Variants in CNTN4 observed in about 807,000 individuals in gnomAD.
The protein encoded by CNTN4 is contactin-4.
A neutral mutation model predicts 122.5 loss-of-function variants in CNTN4; 77 were observed. That is an observed-to-expected ratio of 0.63 (90% CI 0.52 to 0.76). The LOEUF is 0.76. Ranked by LOEUF, CNTN4 falls within the 30% of genes least tolerant of loss-of-function variation. CNTN4 has a pLI of 0.00. For synonymous variants in CNTN4, 512 were observed against 447.0 expected, an observed-to-expected ratio of 1.15 and a Z score of -1.83; for missense variants, 1,256 against 1,259.1, an observed-to-expected ratio of 1.00 and a Z score of 0.04.
chr3:2,880,838 G>T (rs561225097), intron 8 of CNTN4, among the ~76,000 whole-genome samples: 2 of 152,264 alleles, frequency 1.3e-5, no homozygotes, highest in South Asian at 4.2e-4. Context: ...TTACAGCCTT[G>T]CTTGTAAAAG....
At chr3:2,847,586 G>A (rs555479569) in intron 7 of CNTN4, among the ~76,000 whole-genome samples, 20 of 152,274 alleles carry the variant, frequency 1.3e-4, no homozygotes, top group African/African-American at 4.3e-4. Context: ...GCAGGCACAC[G>A]TCCTTCTTTA....
At chr3:2,407,098 A>G (rs1340291059) in intron 3 of CNTN4, among the ~76,000 whole-genome samples, 1 of 152,208 alleles carries the variant, frequency 6.6e-6, no homozygotes, top group Non-Finnish European at 1.5e-5. Context: ...TGAAGTGAAC[A>G]ACTTTTATTT....
At chr3:2,770,997 C>G (rs891479544) in intron 6 of CNTN4, among the ~76,000 whole-genome samples, 5 of 152,188 alleles carry the variant, frequency 3.3e-5, no homozygotes, top group African/African-American at 1.2e-4. Flanking sequence ...TACTGTTTCC[C>G]CTTCACTGGT....
intron 3 of CNTN4, among the ~76,000 whole-genome samples, chr3:2,476,630 A>G (rs186381286): frequency 1.2e-4 from 18 of 152,324 alleles, no homozygotes; most frequent in Admixed American, 1.2e-3. Context: ...AGGAAGTAGA[A>G]TAGTAGTTGC....
chr3:2,631,387 T>C (rs1426747314), intron 4 of CNTN4, among the ~76,000 whole-genome samples: 1 of 152,100 alleles, frequency 6.6e-6, no homozygotes, highest in African/African-American at 2.4e-5. Context: ...TCATATGTAG[T>C]AGAAGAAGAA....
chr3:2,370,181 G>C (rs756669219), intron 3 of CNTN4, among the ~76,000 whole-genome samples: 2 of 152,106 alleles, frequency 1.3e-5, no homozygotes, highest in African/African-American at 2.4e-5. Flanking sequence ...AGAGAGCTTA[G>C]TTATCCACAT....
At position 2,385,245 on chromosome 3, in the gene CNTN4, T is replaced by C. The variant is rs2046204685; in HGVS notation, c.-89+46012T>C. 6.6e-6 allele frequency among the ~76,000 whole-genome samples: 1 copy of C among 151,420 alleles called. No individual in the cohort carries two copies. The highest frequency in any genetic ancestry group is 1.5e-5 in the Non-Finnish European group (1 of 67,976). On this transcript the variant is annotated intron_variant, in intron 3 of 24. Coordinates refer to ENST00000418658, the MANE Select transcript of CNTN4 (RefSeq NM_175607.3). This position sits in a 1 kb window ranked among gnomAD's most constrained non-coding sequence, Gnocchi z 4.0. ...AACTTTCTACTCAGTTTTTTATTTT[T>C]TATTTTTATTTCTACACTTTTTATT...
intron 2 of CNTN4, among the ~76,000 whole-genome samples, chr3:2,212,525 A>C (rs553695936): frequency 1.3e-5 from 2 of 152,260 alleles, no homozygotes; most frequent in African/African-American, 2.4e-5. Flanking sequence ...TAAAACCATC[A>C]GATCTCATGA....
At chr3:3,004,006 C>T (rs1040498710) in intron 14 of CNTN4, among the ~76,000 whole-genome samples, 2 of 152,092 alleles carry the variant, frequency 1.3e-5, no homozygotes, top group Admixed American at 6.5e-5. Context: ...GTGATTCTCC[C>T]GTCTCAGCCT....
chr3:2,334,954 A>G (rs972063461), intron 2 of CNTN4, among the ~76,000 whole-genome samples: 16 of 152,134 alleles, frequency 1.1e-4, no homozygotes, highest in African/African-American at 3.9e-4. Flanking sequence ...CTAGATCAGG[A>G]CTGTTTGTTC....
At chr3:2,617,619 C>G (rs1218882263) in intron 4 of CNTN4, among the ~76,000 whole-genome samples, 3 of 151,900 alleles carry the variant, frequency 2.0e-5, no homozygotes, top group Non-Finnish European at 4.4e-5. Flanking sequence ...GACGGAGTTT[C>G]ACAATGTTGG....
At chr3:2,497,830 G>A (rs963449606) in intron 3 of CNTN4, among the ~76,000 whole-genome samples, 17 of 151,700 alleles carry the variant, frequency 1.1e-4, no homozygotes, top group African/African-American at 4.1e-4. Flanking sequence ...CTCCCTCCAC[G>A]GGATATAAAC....
chr3:2,785,596 A>G (rs1378986570), intron 6 of CNTN4, among the ~76,000 whole-genome samples: 3 of 152,152 alleles, frequency 2.0e-5, no homozygotes, highest in Non-Finnish European at 2.9e-5. Context: ...TTTAACACAA[A>G]CAAGTTACAG....
chr3:2,794,218 A>G lies in CNTN4; in HGVS notation c.359-25268A>G, dbSNP rs1342870061. ...TGAAAGAAATGTTTCTACATCTGCAAAAAATGTCTGGTGCCCGATCCATCA... is the reference window on the plus strand; with the variant it reads ...TGAAAGAAATGTTTCTACATCTGCAGAAAATGTCTGGTGCCCGATCCATCA... On this transcript the variant is annotated intron_variant, in intron 6 of 24. Coordinates refer to ENST00000418658, the MANE Select transcript of CNTN4 (RefSeq NM_175607.3). Among the ~76,000 whole-genome samples, 3 of 152,252 alleles carry G rather than the reference A, an allele frequency of 2.0e-5. No homozygotes were observed. The East Asian group carries it at 5.8e-4, about 29-fold the overall frequency.
chr3:2,428,137 T>G (rs935355920), intron 3 of CNTN4, among the ~76,000 whole-genome samples: 1 of 152,208 alleles, frequency 6.6e-6, no homozygotes, highest in African/African-American at 2.4e-5. Flanking sequence ...GTTATTTTGC[T>G]GAGTAGTTGA....
chr3:2,577,539 G>A (rs1003661866), intron 4 of CNTN4, among the ~76,000 whole-genome samples: 3 of 152,146 alleles, frequency 2.0e-5, no homozygotes, highest in Non-Finnish European at 4.4e-5. Context: ...GTACAATGAA[G>A]GAGTTGAACA....
intron 7 of CNTN4, among the ~76,000 whole-genome samples, chr3:2,823,828 G>A (rs2092928550): frequency 6.6e-6 from 1 of 152,078 alleles, no homozygotes; most frequent in African/African-American, 2.4e-5. Context: ...TTCATTTTAT[G>A]TCACCAAGAT....
At chr3:2,979,864 C>T (rs529532617) in intron 13 of CNTN4, among the ~76,000 whole-genome samples, 4 of 152,246 alleles carry the variant, frequency 2.6e-5, no homozygotes, top group South Asian at 4.2e-4. Flanking sequence ...AGCAAGGATA[C>T]GCTGTCTCCC....
chr3:3,052,100 T>C (rs949733268), intron 23 of CNTN4, among the ~76,000 whole-genome samples: 1 of 152,206 alleles, frequency 6.6e-6, no homozygotes, highest in Non-Finnish European at 1.5e-5. Flanking sequence ...ACGCGTCTAA[T>C]TCATCTAATC....
Sources: gnomAD v4.1 joint callset for allele counts (sites outside exome capture counted in the v4.1 genomes callset) on GRCh38, gnomAD v4.1.1 for gene constraint, Gnocchi (gnomAD v3.1) non-coding constraint, MANE v1.5 for transcripts, NCBI Gene and HGNC (gene_info 2026-07-23, HGNC 2026-07-21) for gene names.